UTS2: variants seen among roughly 807,000 people sequenced by gnomAD.
UTS2 encodes urotensin 2, also known as urotensin-2.
In UTS2, 10 loss-of-function variants were observed where a neutral mutation model predicts 12.6. The observed-to-expected ratio is 0.80, with a 90% CI of 0.49 to 1.35. UTS2 has a LOEUF of 1.35. Ranked by LOEUF, UTS2 falls within the 40% of genes most tolerant of loss-of-function variation. UTS2 has a pLI of 0.00. For missense variants in UTS2, 142 were observed against 143.2 expected, an observed-to-expected ratio of 0.99 and a Z score of 0.04; for synonymous variants, 52 against 50.0, an observed-to-expected ratio of 1.04 and a Z score of -0.17.
At chr1:7,866,516 C>A in the UTS2 span, among the ~76,000 whole-genome samples, 1 of 152,200 alleles carries the variant, frequency 6.6e-6, no homozygotes, top group Admixed American at 6.5e-5. This position sits in a 1 kb window ranked among gnomAD's most constrained non-coding sequence, Gnocchi z 4.5. Context: ...GTCCTCAGCG[C>A]CACCCACACC....
chr1:7,850,802 A>C lies in UTS2; in HGVS notation c.214+10T>G. Reference sequence around the variant, plus strand: ...AATCAGACACGCTATAAACATGAGAAGCATTTTACCTGCTTTCCTGAGAAT... The same window carrying C: ...AATCAGACACGCTATAAACATGAGACGCATTTTACCTGCTTTCCTGAGAAT... On this transcript the variant is annotated intron_variant, in intron 2 of 3. Coordinates refer to ENST00000361696, the MANE Select transcript of UTS2 (RefSeq NM_006786.4). The C allele has an allele frequency of 6.2e-7, 1 of 1,613,652 alleles. No individual in the cohort carries two copies. The highest frequency in any genetic ancestry group is 2.2e-5 in the East Asian group (1 of 44,888).
At chr1:7,890,978 C>A in the UTS2 span, among the ~76,000 whole-genome samples, 1 of 146,682 alleles carries the variant, frequency 6.8e-6, no homozygotes, top group African/African-American at 2.5e-5. Flanking sequence ...CCCCCCCCCA[C>A]AAAACTGGAA....
the UTS2 span, among the ~76,000 whole-genome samples, chr1:7,910,032 C>T: frequency 0.067 from 10,175 of 152,210 alleles, 1,331 homozygotes; most frequent in East Asian, 0.54. Flanking sequence ...AAAGTAACAG[C>T]GTGTTGTTTA....
chr1:7,881,446 A>G, the UTS2 span, among the ~76,000 whole-genome samples: 14 of 152,232 alleles, frequency 9.2e-5, no homozygotes, highest in Non-Finnish European at 5.9e-5. Flanking sequence ...GTTGCAGTAT[A>G]TAAAACCAAC....
upstream of UTS2, chr1:7,853,472 G>A: frequency 6.3e-7 from 1 of 1,597,936 alleles, no homozygotes; most frequent in Non-Finnish European, 8.5e-7. Context: ...TTGCCATGCT[G>A]TGTTTAGGGC....
the UTS2 span, among the ~76,000 whole-genome samples, chr1:7,862,205 G>C: frequency 6.6e-6 from 1 of 151,676 alleles, no homozygotes; most frequent in Admixed American, 6.6e-5. Flanking sequence ...GATTACCGGT[G>C]TGAGCCACCG....
the UTS2 span, among the ~76,000 whole-genome samples, chr1:7,904,231 C>T: frequency 9.3e-5 from 14 of 150,938 alleles, 1 homozygote; most frequent in Admixed American, 4.6e-4. Context: ...TTGGGAGGCC[C>T]AAGGCGGAAG....
chr1:7,851,933 A>G (rs982737068), intron 1 of UTS2, among the ~76,000 whole-genome samples: 2 of 152,152 alleles, frequency 1.3e-5, no homozygotes, highest in African/African-American at 4.8e-5. Flanking sequence ...CACTTATTTC[A>G]TCTTGAGATG....
upstream of UTS2, among the ~76,000 whole-genome samples, chr1:7,857,590 C>T (rs1464716281): frequency 2.0e-5 from 3 of 151,918 alleles, no homozygotes; most frequent in African/African-American, 7.3e-5. Flanking sequence ...TGGTGGCTCC[C>T]ACCTGTAATC....
chr1:7,902,383 A>G, the UTS2 span, among the ~76,000 whole-genome samples: 1 of 152,124 alleles, frequency 6.6e-6, no homozygotes, highest in Non-Finnish European at 1.5e-5. Flanking sequence ...AGTTCTGACA[A>G]TGTAGTCATT....
At chr1:7,880,986 G>T in the UTS2 span, among the ~76,000 whole-genome samples, 2 of 152,182 alleles carry the variant, frequency 1.3e-5, no homozygotes, top group Non-Finnish European at 2.9e-5. Flanking sequence ...ATTCCGCAAA[G>T]ATGGCGCAAC....
At chr1:7,853,275 A>C, upstream of UTS2, 1 of 1,613,450 alleles carries the variant, frequency 6.2e-7, no homozygotes, top group South Asian at 1.1e-5. Flanking sequence ...AAGAACAGTG[A>C]GTTTATAAAT....
chr1:7,856,810 C>T (rs1638318942), upstream of UTS2, among the ~76,000 whole-genome samples: 1 of 149,612 alleles, frequency 6.7e-6, no homozygotes, highest in Non-Finnish European at 1.5e-5. Context: ...CTTGTAAGCC[C>T]AGCACTTTGG....
the UTS2 span, among the ~76,000 whole-genome samples, chr1:7,900,545 G>A: frequency 6.6e-6 from 1 of 152,166 alleles, no homozygotes; most frequent in Non-Finnish European, 1.5e-5. Context: ...GGGAGGCCAA[G>A]CCAGGTGGAT....
the UTS2 span, among the ~76,000 whole-genome samples, chr1:7,860,565 T>TC: frequency 6.6e-6 from 1 of 152,102 alleles, no homozygotes; most frequent in East Asian, 1.9e-4. Context: ...AACTGTGTTT[T>TC]ATTTCTATTA....
the UTS2 span, among the ~76,000 whole-genome samples, chr1:7,898,602 A>G: frequency 6.6e-6 from 1 of 151,986 alleles, no homozygotes; most frequent in African/African-American, 2.4e-5. Flanking sequence ...CAGCCTCCCG[A>G]GTAGCTGAGA....
chr1:7,889,718 G>A, the UTS2 span, among the ~76,000 whole-genome samples: 7 of 151,842 alleles, frequency 4.6e-5, no homozygotes, highest in Non-Finnish European at 1.0e-4. Context: ...CTACTCAGGA[G>A]GCTGAGACAG....
the UTS2 span, among the ~76,000 whole-genome samples, chr1:7,888,926 A>G: frequency 1.3e-5 from 2 of 152,146 alleles, no homozygotes; most frequent in African/African-American, 4.8e-5. Context: ...GCTCTTAGCC[A>G]AGTTACTTCC....
chr1:7,897,983 G>A, the UTS2 span, among the ~76,000 whole-genome samples: 1 of 152,044 alleles, frequency 6.6e-6, no homozygotes, highest in Non-Finnish European at 1.5e-5. Context: ...TTGCTAATAG[G>A]TTACAAGTCA....
Sources: gnomAD v4.1 joint callset for allele counts (sites outside exome capture counted in the v4.1 genomes callset) on GRCh38, gnomAD v4.1.1 for gene constraint, Gnocchi (gnomAD v3.1) non-coding constraint, MANE v1.5 for transcripts, NCBI Gene and HGNC (gene_info 2026-07-23, HGNC 2026-07-21) for gene names.